MS4A15: variants seen among roughly 807,000 people sequenced by gnomAD.
The protein encoded by MS4A15 is membrane spanning 4-domains A15.
In MS4A15, 22 loss-of-function variants were observed where a neutral mutation model predicts 20.6. The ratio of observed to expected loss-of-function variants is 1.07; its 90% CI spans 0.76 to 1.52. The LOEUF (loss-of-function observed/expected upper bound fraction) is 1.52. Among genes scored for constraint, MS4A15 ranks in the 40% most tolerant of loss-of-function variants. The pLI is 0.00. For synonymous variants in MS4A15, 129 were observed against 129.3 expected (o/e 1.00, Z 0.02); for missense variants, 312 against 323.0 (o/e 0.97, Z 0.26).
chr11:60,773,572 G>T, intron 5 of MS4A15, 88 bp downstream of exon 5: 3 of 1,249,242 alleles, frequency 2.4e-6, no homozygotes, highest in Non-Finnish European at 2.3e-6. Context: ...AGTTTGCAGC[G>T]CCAGGACGTT....
intron 3 of MS4A15, 45 bp downstream of exon 3, chr11:60,767,700 C>G (rs1170059729): frequency 6.7e-7 from 1 of 1,494,774 alleles, no homozygotes; most frequent in Admixed American, 2.2e-5. Context: ...GGATGCTGCC[C>G]AGGCTCACCT....
At chr11:60,774,002 T>C (rs746491947) in intron 6 of MS4A15, 52 bp downstream of exon 6, 1 of 1,405,490 alleles carries the variant, frequency 7.1e-7, no homozygotes, top group East Asian at 2.6e-5. Flanking sequence ...GCTGAGCCTG[T>C]GTGGAAGGCA....
chr11:60,767,468 C>G (rs879289725), intron 2 of MS4A15, 65 bp from the exon 3 acceptor site: 1 of 1,413,296 alleles, frequency 7.1e-7, no homozygotes, highest in Non-Finnish European at 9.3e-7. Flanking sequence ...CCACGCTCTC[C>G]GCGGGGCCGG....
chr11:60,765,384 T>G (rs984301513), intron 2 of MS4A15, among the ~76,000 whole-genome samples: 1 of 151,960 alleles, frequency 6.6e-6, no homozygotes, highest in African/African-American at 2.4e-5. Context: ...TTTCTCCAAG[T>G]AGAAGATGAA....
At position 60,764,042 on chromosome 11, in the gene MS4A15, G is replaced by A. The variant is rs1273970898; in HGVS notation, c.225+84G>A. The A allele has an allele frequency of 1.1e-5, 14 of 1,273,792 alleles. No homozygotes were observed. In the East Asian group the frequency reaches 3.5e-4, roughly 32 times the overall value. The allele number at this position is 1,273,792 out of a possible 1,614,324, so 78.9% of individuals were successfully genotyped here. On this transcript the variant is annotated intron_variant, in intron 2 of 6. Transcript: ENST00000405633. ...ATTCATGCATGTTTTGGAGAGGGGA[G>A]AAGGCAGTTAACAAATATGTAGTAA...
chr11:60,770,883 T>C (rs561378876), intron 3 of MS4A15, among the ~76,000 whole-genome samples: 3 of 151,926 alleles, frequency 2.0e-5, no homozygotes, highest in African/African-American at 7.2e-5. Context: ...TTTTTGTATT[T>C]TTAGTAGAGA....
chr11:60,768,055 C>T (rs1853927801), intron 3 of MS4A15, among the ~76,000 whole-genome samples: 2 of 152,068 alleles, frequency 1.3e-5, no homozygotes, highest in African/African-American at 2.4e-5. Flanking sequence ...TAGCCGGGCA[C>T]GGTGGTGCAT....
chr11:60,763,941 G>A lies in MS4A15; in HGVS notation c.208G>A (p.Glu70Lys), dbSNP rs777897382. The change falls in exon 2 of 7, where the codon GAG (glutamate) becomes AAG (lysine). Residue 70 changes from glutamate to lysine, a missense_variant. By Grantham distance (56) the Glu-to-Lys change is moderately conservative. Transcript: ENST00000405633. ...LRPVETFLTG[E>K]PKVLGTVQIL... ...GCCCGTGGAGACATTCCTGACAGGA[G>A]AGCCCAAAGTTTTGGGGGTAAGAAC... The A allele has an allele frequency of 1.2e-6, 2 of 1,612,716 alleles. No homozygotes were observed. Among genetic ancestry groups the A allele is most frequent in the South Asian group, 1.1e-5 (1 of 91,016 alleles).
intron 1 of MS4A15, among the ~76,000 whole-genome samples, 162 bp from the exon 2 acceptor site, chr11:60,763,544 A>G (rs1853800615): frequency 6.6e-6 from 1 of 152,222 alleles, no homozygotes; most frequent in Non-Finnish European, 1.5e-5. Flanking sequence ...GACCTCAGAC[A>G]TCTTTCGCTT....
intron 3 of MS4A15, 72 bp downstream of exon 3, chr11:60,767,727 C>A: frequency 2.1e-6 from 3 of 1,433,148 alleles, no homozygotes; most frequent in South Asian, 1.5e-5. Flanking sequence ...CACGCGCCCA[C>A]CCCCACCATC....
intron 2 of MS4A15, among the ~76,000 whole-genome samples, chr11:60,767,316 G>A (rs1853906801): frequency 6.6e-6 from 1 of 152,244 alleles, no homozygotes; most frequent in Non-Finnish European, 1.5e-5. Context: ...TGAGAGAGCT[G>A]TGCTTTGTGG....
chr11:60,765,458 G>A (rs1277601282), intron 2 of MS4A15, among the ~76,000 whole-genome samples: 3 of 152,018 alleles, frequency 2.0e-5, no homozygotes, highest in Admixed American at 2.0e-4. Flanking sequence ...TACTTATGAA[G>A]CATCTCTGAG....
In MS4A15 at chr11:60,771,375, C is replaced by T. The variant is rs372530512; in HGVS notation, c.405+28C>T. ...GAGTGTGAACAGGGGGACCCAGGGGCGGGGATGAAGCCACAGCTAAATCTC... is the reference window on the plus strand; with the variant it reads ...GAGTGTGAACAGGGGGACCCAGGGGTGGGGATGAAGCCACAGCTAAATCTC... On this transcript the variant is annotated intron_variant, in intron 4 of 6. Transcript: ENST00000405633. 8.4e-5 allele frequency: 135 copies of T among 1,613,554 alleles called. 1 individual carries two copies. The African/African-American group carries it at 9.6e-4, about 11-fold the overall frequency.
At chr11:60,765,063 A>C (rs971779797) in intron 2 of MS4A15, among the ~76,000 whole-genome samples, 2 of 152,172 alleles carry the variant, frequency 1.3e-5, no homozygotes, top group Non-Finnish European at 2.9e-5. Context: ...TAGGCCAAAC[A>C]CAGAAGTGAA....
intron 3 of MS4A15, among the ~76,000 whole-genome samples, chr11:60,768,533 C>G (rs1853941107): frequency 6.6e-6 from 1 of 152,188 alleles, no homozygotes; most frequent in Admixed American, 6.5e-5. Context: ...GAGCCTCCAG[C>G]CGCCCCAAGG....
rs1853612629 is a variant in MS4A15, at chr11:60,756,869, G to C, written c.-218G>C. 1 of 152,162 alleles carries C rather than the reference G, an allele frequency of 6.6e-6. No individual in the cohort carries two copies. The highest frequency in any genetic ancestry group is 2.4e-5 in the African/African-American group (1 of 41,420). 9.4% of individuals were successfully genotyped at this position (152,162 alleles called of 1,614,324 possible). On this transcript the variant is annotated 5_prime_UTR_variant, in exon 1 of 7. Coordinates refer to ENST00000405633, the MANE Select transcript of MS4A15 (RefSeq NM_001098835.2). Reference sequence around the variant, plus strand: ...ACTTGGCGGACAGATGCTAGGGCAGGCTCTCACAAGGGCGGGCTCTCAGAA... The same window carrying C: ...ACTTGGCGGACAGATGCTAGGGCAGCCTCTCACAAGGGCGGGCTCTCAGAA...
chr11:60,771,561 C>G (rs558757485), intron 4 of MS4A15: 2 of 1,528,154 alleles, frequency 1.3e-6, no homozygotes, highest in African/African-American at 2.7e-5. Flanking sequence ...ATACACAAGC[C>G]AGGGTGGAAA....
intron 1 of MS4A15, among the ~76,000 whole-genome samples, chr11:60,757,298 G>A (rs1853619969): frequency 6.6e-6 from 1 of 152,212 alleles, no homozygotes; most frequent in African/African-American, 2.4e-5. Context: ...TTGAGTTATG[G>A]AGCAGGTAGG....
rs1278599445 is a variant in MS4A15 at position 60,760,852 on chromosome 11, C to T, written c.-28-2854C>T. The stretch of plus-strand genomic sequence containing the variant: ...CGGTGATGACTCAGAAGGCACCTGA[C>T]ATTACCTGGGGACAGCTAAAGAAAT... On this transcript the variant is annotated intron_variant, in intron 1 of 6. Coordinates refer to ENST00000405633, the MANE Select transcript of MS4A15 (RefSeq NM_001098835.2). Among the ~76,000 whole-genome samples the T allele has an allele frequency of 2.0e-5, 3 of 152,238 alleles. No individual in the cohort carries two copies. In the East Asian group the frequency reaches 5.8e-4, roughly 29 times the overall value.
Sources: allele counts gnomAD v4.1 joint callset (sites outside exome capture counted in the v4.1 genomes callset), GRCh38; gene constraint gnomAD v4.1.1; transcripts MANE v1.5; gene names NCBI Gene and HGNC (gene_info 2026-07-23, HGNC 2026-07-21).